PCNX1: variants seen among roughly 807,000 people sequenced by gnomAD.
PCNX1 encodes the protein pecanex 1, also known as pecanex-like protein 1.
PCNX1 carries 78 observed loss-of-function variants against 242.2 expected under a neutral mutation model. The observed-to-expected ratio is 0.32, with a 90% CI of 0.27 to 0.39. The LOEUF (loss-of-function observed/expected upper bound fraction) is 0.39, where lower values mean the gene tolerates loss of function less well. PCNX1 is among the 10% of genes least tolerant of loss of function. PCNX1 has a pLI of 1.00. For synonymous variants in PCNX1, 1,024 were observed against 1,032.9 expected, an observed-to-expected ratio of 0.99 and a Z score of 0.17; for missense variants, 2,581 against 2,856.5, an observed-to-expected ratio of 0.90 and a Z score of 2.20.
At chr14:70,983,337 C>T (rs1476439937) in intron 6 of PCNX1, among the ~76,000 whole-genome samples, 1 of 151,916 alleles carries the variant, frequency 6.6e-6, no homozygotes, top group Non-Finnish European at 1.5e-5. Context: ...CGGAGTCTCA[C>T]TCTATTGTCC....
intron 2 of PCNX1, among the ~76,000 whole-genome samples, chr14:70,949,240 T>TACACACGTGTATACACACACGTGTATGC (rs1566608029): frequency 7.9e-6 from 1 of 127,372 alleles, no homozygotes; most frequent in African/African-American, 3.0e-5. Flanking sequence ...TATGTGTATA[T>TACACACGTGTATACACACACGTGTATGC]ACACACGTGT....
At chr14:71,004,925 T>G (rs2059610899) in intron 8 of PCNX1, among the ~76,000 whole-genome samples, 1 of 152,240 alleles carries the variant, frequency 6.6e-6, no homozygotes, top group South Asian at 2.1e-4. Context: ...ATACATTTAC[T>G]GCCCATATAT....
At chr14:71,068,472 G>A (rs1414822564) in intron 26 of PCNX1, among the ~76,000 whole-genome samples, 1 of 148,276 alleles carries the variant, frequency 6.7e-6, no homozygotes, top group Admixed American at 6.8e-5. Context: ...ACATATATAT[G>A]TGCATATGTA....
At chr14:71,024,422 A>G (rs1038416554) in intron 13 of PCNX1, among the ~76,000 whole-genome samples, 7 of 152,064 alleles carry the variant, frequency 4.6e-5, no homozygotes, top group Non-Finnish European at 1.0e-4. Context: ...ATCTTTCATG[A>G]TATTGAAATT....
At chr14:71,060,088 T>C (rs2061286434) in intron 26 of PCNX1, among the ~76,000 whole-genome samples, 1 of 152,238 alleles carries the variant, frequency 6.6e-6, no homozygotes, top group Non-Finnish European at 1.5e-5. Context: ...ATCGTTAGAT[T>C]CTTACACAGT....
In PCNX1 at chr14:71,030,596, A is replaced by T. The variant is rs145948801; in HGVS notation, c.3558+1805A>T. Among the ~76,000 whole-genome samples the T allele has an allele frequency of 3.5e-4, 53 of 152,288 alleles. 1 individual carries two copies. In the East Asian group the frequency reaches 0.01, roughly 29 times the overall value. Reference sequence around the variant, plus strand: ...GGGGCTGTAATGTTGATGTCCTTCAATGCTTTGTTTAGTGTCCCTTCTGTA... The same window carrying T: ...GGGGCTGTAATGTTGATGTCCTTCATTGCTTTGTTTAGTGTCCCTTCTGTA... On this transcript the variant is annotated intron_variant, in intron 16 of 35. Transcript: ENST00000304743.
intron 2 of PCNX1, among the ~76,000 whole-genome samples, chr14:70,956,428 GGCATGTA>G (rs2057997055): frequency 6.6e-6 from 1 of 151,930 alleles, no homozygotes; most frequent in Non-Finnish European, 1.5e-5. Flanking sequence ...TGGTGGCATG[GGCATGTA>G]GCAGCCCCAG....
intron 35 of PCNX1, 63 bp from the exon 36 acceptor site, chr14:71,109,732 A>G: frequency 1.3e-6 from 2 of 1,583,438 alleles, no homozygotes; most frequent in Non-Finnish European, 1.7e-6. Context: ...AGGTAGGGGT[A>G]AGAGTTTGTG....
At chr14:71,063,141 GT>G (rs1188579640) in intron 26 of PCNX1, among the ~76,000 whole-genome samples, 1 of 152,080 alleles carries the variant, frequency 6.6e-6, no homozygotes, top group African/African-American at 2.4e-5. Context: ...ACTGTTTATT[GT>G]TTAAAGTTTA....
chr14:70,965,752 T>C (rs572518433), intron 3 of PCNX1, among the ~76,000 whole-genome samples: 2 of 151,636 alleles, frequency 1.3e-5, no homozygotes, highest in African/African-American at 2.4e-5. Context: ...GATAAAATAA[T>C]TGTTTCCAGC....
chr14:71,026,810 C>T lies in PCNX1; in HGVS notation c.3394C>T (p.Leu1132Phe). Residue 1132 changes from leucine to phenylalanine, a missense_variant, in exon 15 of 36, where the codon CTC (leucine) becomes TTC (phenylalanine). Physicochemically the swap from Leu to Phe is conservative, Grantham distance 22. This residue lies in a region of PCNX1 where 432 missense variants were observed against 443.1 expected (regional missense o/e 0.97). Coordinates refer to ENST00000304743, the MANE Select transcript of PCNX1 (RefSeq NM_014982.3). ...TTTCCCAATAGTGTTTTTCATTGGTCTCCTGCCTCAGGTGAATACATTTGT... is the reference window on the plus strand; with the variant it reads ...TTTCCCAATAGTGTTTTTCATTGGTTTCCTGCCTCAGGTGAATACATTTGT... ...LCFPIVFFIG[L>F]LPQVNTFVMY... 1.9e-6 allele frequency: 3 copies of T among 1,574,258 alleles called. No individual in the cohort carries two copies. The highest frequency in any genetic ancestry group is 2.6e-6 in the Non-Finnish European group (3 of 1,145,648).
intron 2 of PCNX1, among the ~76,000 whole-genome samples, chr14:70,958,037 A>G (rs2058058760): frequency 6.6e-6 from 1 of 152,010 alleles, no homozygotes; most frequent in Admixed American, 6.6e-5. Flanking sequence ...TAGTGCCTCT[A>G]TATACATACT....
chr14:71,068,456 G>A (rs2061505705), intron 26 of PCNX1, among the ~76,000 whole-genome samples: 1 of 148,516 alleles, frequency 6.7e-6, no homozygotes, highest in African/African-American at 2.5e-5. Flanking sequence ...GTATATATGT[G>A]TATATACATA....
intron 1 of PCNX1, among the ~76,000 whole-genome samples, chr14:70,936,497 A>G (rs576631031): frequency 1.3e-5 from 2 of 152,286 alleles, no homozygotes; most frequent in African/African-American, 2.4e-5. Flanking sequence ...TCCATGGTGT[A>G]TATGTGCCAC....
chr14:70,938,530 G>C (rs1314287122), intron 1 of PCNX1, among the ~76,000 whole-genome samples: 3 of 152,148 alleles, frequency 2.0e-5, no homozygotes, highest in African/African-American at 4.8e-5. Flanking sequence ...GATTCGGTTT[G>C]CCAGTATTTT....
In PCNX1 at chr14:71,105,352, C is replaced by T. The variant is rs745788105; in HGVS notation, c.6213C>T (p.Ser2071=). ...CAACAACTGCCAACAATCCCCACAG[C>T]AACGTGACCCAGGGAAGCATTGGAA... ...NNATTANNPH[S]NVTQGSIGNP... The change falls in exon 33 of 36, where the codon AGC becomes AGT. Residue 2071 remains serine, a synonymous_variant. Transcript: ENST00000304743. The T allele has an allele frequency of 6.2e-7, 1 of 1,614,102 alleles. No individual in the cohort carries two copies. The highest frequency in any genetic ancestry group is 1.1e-5 in the South Asian group (1 of 91,076).
At chr14:70,972,227 A>C (rs1432525683) in intron 5 of PCNX1, among the ~76,000 whole-genome samples, 1 of 151,416 alleles carries the variant, frequency 6.6e-6, no homozygotes, top group Non-Finnish European at 1.5e-5. Context: ...CTGAAAGGGG[A>C]AAGACTGAGG....
At chr14:71,021,879 T>C (rs1158753873) in intron 12 of PCNX1, among the ~76,000 whole-genome samples, 1 of 152,168 alleles carries the variant, frequency 6.6e-6, no homozygotes, top group Non-Finnish European at 1.5e-5. Flanking sequence ...TCTCTAGGAC[T>C]TATGTGGTTA....
chr14:71,091,274 G>A (rs1468736844), intron 30 of PCNX1, among the ~76,000 whole-genome samples: 1 of 152,146 alleles, frequency 6.6e-6, no homozygotes, highest in Admixed American at 6.5e-5. Flanking sequence ...GAAAATCTAG[G>A]TGTGTAAATC....
Sources: gnomAD v4.1 joint callset for allele counts (sites outside exome capture counted in the v4.1 genomes callset) on GRCh38, gnomAD v4.1.1 for gene constraint, gnomAD v4.1.1 regional missense constraint, MANE v1.5 for transcripts, NCBI Gene and HGNC (gene_info 2026-07-23, HGNC 2026-07-21) for gene names.